PUDP: variants seen among roughly 807,000 people sequenced by gnomAD.
PUDP encodes pseudouridine 5'-phosphatase, also known as pseudouridine-5'-phosphatase.
Under a neutral mutation model 9.4 loss-of-function variants are expected in PUDP, and 8 were observed. That is an observed-to-expected ratio of 0.85 (90% confidence interval 0.50 to 1.53). The LOEUF is 1.53. Among genes scored for constraint, PUDP ranks in the 40% most tolerant of loss-of-function variants. PUDP has a pLI of 0.00. For missense variants in PUDP, 188 were observed against 189.7 expected (o/e 0.99, Z 0.05); for synonymous variants, 99 against 80.7 (o/e 1.23, Z -1.22).
chrX:7,093,535 C>T (rs1395053861), intron 2 of PUDP, among the ~76,000 whole-genome samples: 9 of 111,685 alleles, frequency 8.1e-5, no homozygotes, highest in African/African-American at 2.3e-4. Context: ...ACCTAAAAGT[C>T]ACTGCCCTCC....
intron 3 of PUDP, among the ~76,000 whole-genome samples, chrX:6,742,113 C>G (rs749404409): frequency 1.8e-4 from 20 of 111,783 alleles, no homozygotes; most frequent in Non-Finnish European, 2.8e-4. Context: ...CTCGGACTCT[C>G]AAAGTGCTGG....
At chrX:7,036,371 A>G (rs1052318151) in intron 1 of PUDP, among the ~76,000 whole-genome samples, 1 of 111,859 alleles carries the variant, frequency 8.9e-6, no homozygotes, top group Non-Finnish European at 1.9e-5. Context: ...ACAGCCTTGT[A>G]ATTCTTGGGC....
chrX:6,950,051 A>AT (rs1928526243), intron 3 of PUDP, among the ~76,000 whole-genome samples: 1 of 111,243 alleles, frequency 9.0e-6, no homozygotes, highest in East Asian at 2.9e-4. Context: ...AAAATGATGG[A>AT]GTCAGGCTGG....
intron 3 of PUDP, among the ~76,000 whole-genome samples, chrX:6,935,134 T>C (rs1928275686): frequency 9.7e-6 from 1 of 102,629 alleles, no homozygotes; most frequent in South Asian, 5.0e-4. Flanking sequence ...CAAGCGGACC[T>C]AATAGACATC....
At chrX:6,800,863 G>A (rs765379525) in intron 3 of PUDP, among the ~76,000 whole-genome samples, 1 of 111,620 alleles carries the variant, frequency 9.0e-6, no homozygotes, top group South Asian at 3.8e-4. Context: ...CGACTTGCCC[G>A]CTGAGTCCAC....
intron 3 of PUDP, among the ~76,000 whole-genome samples, chrX:6,752,033 G>C (rs181248982): frequency 3.2e-4 from 36 of 111,117 alleles, no homozygotes; most frequent in East Asian, 2.8e-3. Context: ...TCAGTCCCTA[G>C]CAGGCAGGTG....
intron 3 of PUDP, among the ~76,000 whole-genome samples, chrX:6,841,086 G>A (rs749089977): frequency 7.3e-5 from 8 of 110,287 alleles, no homozygotes; most frequent in African/African-American, 1.3e-4. Flanking sequence ...AGACCAGCCC[G>A]GCCAATATTG....
intron 3 of PUDP, among the ~76,000 whole-genome samples, chrX:7,076,658 C>T (rs1225710581): frequency 2.7e-5 from 3 of 111,833 alleles, no homozygotes; most frequent in African/African-American, 9.8e-5. Flanking sequence ...AGCCGTGGTG[C>T]GGGACAGGGG....
chrX:6,979,970 G>A (rs1298329658), intron 1 of PUDP, among the ~76,000 whole-genome samples: 2 of 110,200 alleles, frequency 1.8e-5, no homozygotes, highest in Non-Finnish European at 3.8e-5. Flanking sequence ...TAGATTGAGG[G>A]GTTACATGTG....
rs1196262640 is a variant in PUDP at position 6,816,961 on chromosome X, CAA to C, written c.*248-110497_*248-110496del. On this transcript the variant is annotated intron_variant and NMD_transcript_variant, in intron 3 of 3. Transcript: ENST00000655425. The stretch of plus-strand genomic sequence containing the variant: ...ATATAGTATATACTATATGTATATA[CAA>C]TATATATACACATATAGTATATACT... Among the ~76,000 whole-genome samples the C allele has an allele frequency of 3.1e-3, 281 of 91,626 alleles. 1 individual carries two copies. The highest frequency in any genetic ancestry group is 0.011 in the African/African-American group (262 of 24,208). 79.6% of individuals were successfully genotyped at this position (91,626 alleles called of 115,157 possible).
chrX:6,883,240 G>C (rs1346313590), intron 3 of PUDP, among the ~76,000 whole-genome samples: 2 of 111,454 alleles, frequency 1.8e-5, no homozygotes, highest in Non-Finnish European at 3.8e-5. Flanking sequence ...TTTTAAATAA[G>C]GCCGGGTACA....
chrX:7,122,872 T>G (rs1932382203), intron 1 of PUDP, among the ~76,000 whole-genome samples: 1 of 112,872 alleles, frequency 8.9e-6, no homozygotes, highest in Non-Finnish European at 1.9e-5. Context: ...TAAAGATTAA[T>G]GAATCAAAGT....
chrX:6,867,424 G>T (rs966244947), intron 3 of PUDP, among the ~76,000 whole-genome samples: 1 of 111,642 alleles, frequency 9.0e-6, no homozygotes, highest in Non-Finnish European at 1.9e-5. Flanking sequence ...AGTGGTGGTG[G>T]TGGTGATGGT....
intron 3 of PUDP, among the ~76,000 whole-genome samples, chrX:7,072,823 A>C (rs967281893): frequency 9.1e-6 from 1 of 109,652 alleles, no homozygotes; most frequent in Non-Finnish European, 1.9e-5. Context: ...CAAAAAAAAA[A>C]AAAAAAAACA....
chrX:6,798,874 C>T (rs981228014), intron 3 of PUDP, among the ~76,000 whole-genome samples: 1 of 112,105 alleles, frequency 8.9e-6, no homozygotes, highest in Non-Finnish European at 1.9e-5. Context: ...CAGCCTAAAA[C>T]CCCTGGGCTC....
chrX:7,006,559 T>C (rs1351394823), intron 1 of PUDP, among the ~76,000 whole-genome samples: 1 of 111,342 alleles, frequency 9.0e-6, no homozygotes, highest in South Asian at 3.8e-4. Context: ...TGCTGCTGTT[T>C]AGGTAGAGAA....
chrX:6,749,686 G>C (rs193189282), intron 3 of PUDP, among the ~76,000 whole-genome samples: 31 of 111,920 alleles, frequency 2.8e-4, no homozygotes, highest in African/African-American at 9.7e-4. Context: ...TATGGGAAAT[G>C]ATCATTTATA....
chrX:6,720,904 C>T lies in PUDP; in HGVS notation n.128+513G>A, dbSNP rs189081430. Among the ~76,000 whole-genome samples, 16 of 110,900 alleles carry T rather than the reference C, an allele frequency of 1.4e-4. No individual in the cohort carries two copies. In the East Asian group the frequency reaches 4.5e-3, roughly 31 times the overall value. ...CTCAGTGTCTGTTTCTGGAATCCAA[C>T]CAAAGAGACTTTCCCTTGCCCATCA... is the stretch of plus-strand genomic sequence containing the variant. On this transcript the variant is annotated intron_variant and non_coding_transcript_variant, in intron 1 of 2. Transcript: ENST00000438499.
chrX:6,858,221 G>C (rs1926937021), intron 3 of PUDP, among the ~76,000 whole-genome samples: 1 of 111,492 alleles, frequency 9.0e-6, no homozygotes, highest in African/African-American at 3.3e-5. Context: ...GATATGCTGG[G>C]AGAAGGATGT....
Sources: gnomAD v4.1 joint callset for allele counts (sites outside exome capture counted in the v4.1 genomes callset) on GRCh38, gnomAD v4.1.1 for gene constraint, MANE v1.5 for transcripts, NCBI Gene and HGNC (gene_info 2026-07-23, HGNC 2026-07-21) for gene names.